The following GSE1 variants were observed in gnomAD, a reference collection of about 807,000 sequenced individuals.
GSE1 encodes Gse1 coiled-coil protein.
GSE1 carries 32 observed loss-of-function variants against 112.6 expected under a neutral mutation model. The observed-to-expected ratio is 0.28, with a 90% CI of 0.21 to 0.38. GSE1 has a LOEUF of 0.38. Ranked by LOEUF, GSE1 falls within the 10% of genes least tolerant of loss-of-function variation. The pLI is 1.00. For missense variants in GSE1, 2,348 were observed against 1,699.2 expected (o/e 1.38, Z -6.71); for synonymous variants, 1,115 against 735.6 (o/e 1.52, Z -8.35).
At chr16:85,268,407 T>G (rs1908483883) in intron 1 of GSE1, among the ~76,000 whole-genome samples, 1 of 152,188 alleles carries the variant, frequency 6.6e-6, no homozygotes, top group Non-Finnish European at 1.5e-5. Context: ...CTCTGCATCG[T>G]GCACTCAGGT....
chr16:85,388,787 C>T (rs1317930099), intron 2 of GSE1, among the ~76,000 whole-genome samples: 5 of 152,074 alleles, frequency 3.3e-5, no homozygotes, highest in Non-Finnish European at 4.4e-5. Flanking sequence ...GGTTTCTTTC[C>T]TTCCCTTGAC....
intron 1 of GSE1, among the ~76,000 whole-genome samples, chr16:85,579,653 C>T (rs1034159428): frequency 6.6e-6 from 1 of 152,216 alleles, no homozygotes; most frequent in South Asian, 2.1e-4. Flanking sequence ...TTTGGTGCGG[C>T]CTCCCGTCTC....
chr16:85,288,124 C>T (rs2045096394), intron 1 of GSE1, among the ~76,000 whole-genome samples: 1 of 152,060 alleles, frequency 6.6e-6, no homozygotes, highest in African/African-American at 2.4e-5. Context: ...CCTGTAATCC[C>T]AGCTACTCGG....
intron 2 of GSE1, among the ~76,000 whole-genome samples, chr16:85,645,795 ATCTACCTGCTTCTACCACGCAT>A (rs2050806109): frequency 6.6e-6 from 1 of 152,316 alleles, no homozygotes; most frequent in Admixed American, 6.5e-5. Flanking sequence ...TGGAAAGGGC[ATCTACCTGCTTCTACCACGCAT>A]TCTACCTGCT....
intron 2 of GSE1, among the ~76,000 whole-genome samples, chr16:85,466,927 G>A (rs2050141510): frequency 6.6e-6 from 1 of 152,216 alleles, no homozygotes; most frequent in African/African-American, 2.4e-5. Context: ...AGGCGTGGTG[G>A]CAGGCCCCTG....
At chr16:85,602,104 C>G (rs1248527240) in intron 1 of GSE1, among the ~76,000 whole-genome samples, 1 of 152,190 alleles carries the variant, frequency 6.6e-6, no homozygotes. Flanking sequence ...GTTGGCCTCT[C>G]CTAGGTTTGC....
intron 2 of GSE1, among the ~76,000 whole-genome samples, chr16:85,510,299 G>T (rs144749398): frequency 6.6e-6 from 1 of 152,230 alleles, no homozygotes; most frequent in Non-Finnish European, 1.5e-5. Context: ...GGCCCAGCAC[G>T]AAAGACTCCT....
intron 1 of GSE1, among the ~76,000 whole-genome samples, chr16:85,632,070 C>T (rs2049582204): frequency 6.6e-6 from 1 of 152,210 alleles, no homozygotes; most frequent in Non-Finnish European, 1.5e-5. Context: ...CAGGCAGAGC[C>T]CCCGCCCTCC....
chr16:85,205,003 T>G (rs2075090778), intron 1 of GSE1, among the ~76,000 whole-genome samples: 1 of 152,250 alleles, frequency 6.6e-6, no homozygotes, highest in South Asian at 2.1e-4. Flanking sequence ...GAAAGGTAAC[T>G]TGCCCAAATC....
intron 1 of GSE1, among the ~76,000 whole-genome samples, chr16:85,310,194 G>T (rs555711745): frequency 2.4e-4 from 37 of 152,228 alleles, no homozygotes; most frequent in South Asian, 1.2e-3. Context: ...CCCACGCCCT[G>T]ACCCAGCCTG....
At chr16:85,524,256 G>T (rs2052289584) in intron 2 of GSE1, among the ~76,000 whole-genome samples, 1 of 152,152 alleles carries the variant, frequency 6.6e-6, no homozygotes, top group African/African-American at 2.4e-5. Context: ...GGGGTGGCGG[G>T]GATGGTAAGA....
At chr16:85,518,333 T>C (rs973838630) in intron 2 of GSE1, among the ~76,000 whole-genome samples, 2 of 152,026 alleles carry the variant, frequency 1.3e-5, no homozygotes, top group South Asian at 2.1e-4. Flanking sequence ...GAAGGAGATA[T>C]GGAATGGAGC....
In GSE1 at chr16:85,461,025, C is replaced by G. The variant is rs540308867; in HGVS notation, c.2464+103382C>G. ...CCAGCCGGGTGGGAAGGAGTGAGCT[C>G]TGGAGTGGGAAGGGAGACCCAGGGA... On this transcript the variant is annotated intron_variant, in intron 2 of 2. Coordinates refer to the GSE1 transcript ENST00000637419. Among the ~76,000 whole-genome samples the G allele has an allele frequency of 4.8e-4, 73 of 152,298 alleles. No homozygotes were observed. In the South Asian group the frequency reaches 0.015, roughly 32 times the overall value.
chr16:85,470,401 C>T (rs2050253535), intron 2 of GSE1, among the ~76,000 whole-genome samples: 1 of 150,430 alleles, frequency 6.6e-6, no homozygotes, highest in Non-Finnish European at 1.5e-5. Context: ...TCAGGACTTG[C>T]CCGAGGCCCC....
At position 85,673,398 on chromosome 16, in the gene GSE1, A is replaced by C. The variant is rs2152036335; in HGVS notation, c.*859A>C. ...TAACTATTGTTATAAAAAGCCTGCCATTTTTAATATGTGGTTTGGGGGATT... is the reference window on the plus strand; with the variant it reads ...TAACTATTGTTATAAAAAGCCTGCCCTTTTTAATATGTGGTTTGGGGGATT... On this transcript the variant is annotated 3_prime_UTR_variant, in exon 16 of 16. Transcript: ENST00000253458. 6.9e-6 allele frequency: 1 copy of C among 145,210 alleles called. No individual in the cohort carries two copies. Among genetic ancestry groups the C allele is most frequent in the African/African-American group, 2.6e-5 (1 of 38,466 alleles). The allele number at this position is 145,210 out of a possible 1,614,324, so 9.0% of individuals were successfully genotyped here. A position where few individuals can be genotyped will look rare whatever the true frequency, so the allele number is the denominator to read the frequency against.
At chr16:85,472,698 G>GCTGTCTGCGGCT (rs1350075699) in intron 2 of GSE1, among the ~76,000 whole-genome samples, 1 of 152,232 alleles carries the variant, frequency 6.6e-6, no homozygotes, top group Non-Finnish European at 1.5e-5. Context: ...TGACCCTGCT[G>GCTGTCTGCGGCT]CTGTCTGCGG....
At chr16:85,472,115 G>T (rs893055596) in intron 2 of GSE1, among the ~76,000 whole-genome samples, 1 of 152,312 alleles carries the variant, frequency 6.6e-6, no homozygotes, top group African/African-American at 2.4e-5. Flanking sequence ...GACATTGCCA[G>T]GTGTCTCCTG....
At chr16:85,622,309 G>C (rs2048791924) in intron 1 of GSE1, among the ~76,000 whole-genome samples, 1 of 152,190 alleles carries the variant, frequency 6.6e-6, no homozygotes, top group Non-Finnish European at 1.5e-5. Flanking sequence ...CACAGCACTT[G>C]GGGCTTTGAA....
intron 1 of GSE1, among the ~76,000 whole-genome samples, chr16:85,203,158 G>C (rs995367345): frequency 6.6e-6 from 1 of 151,822 alleles, no homozygotes; most frequent in Non-Finnish European, 1.5e-5. Context: ...CTCACACCTG[G>C]CTCTGGGGCT....
Sources: allele counts gnomAD v4.1 joint callset (sites outside exome capture counted in the v4.1 genomes callset), GRCh38; gene constraint gnomAD v4.1.1; transcripts MANE v1.5; gene names NCBI Gene and HGNC (gene_info 2026-07-23, HGNC 2026-07-21).